Variants in EYS observed in about 807,000 individuals in gnomAD.
EYS encodes protein eyes shut homolog.
A neutral mutation model predicts 282.1 loss-of-function variants in EYS; 250 were observed. The ratio of observed to expected loss-of-function variants is 0.89; its 90% CI spans 0.80 to 0.98. The LOEUF (loss-of-function observed/expected upper bound fraction) is 0.98. Ranked by LOEUF, EYS falls within the 50% of genes least tolerant of loss-of-function variation. EYS has a pLI of 0.00. For synonymous variants in EYS, 1,355 were observed against 1,282.9 expected, an observed-to-expected ratio of 1.06 and a Z score of -1.20; for missense variants, 4,016 against 3,709.0, an observed-to-expected ratio of 1.08 and a Z score of -2.15.
At chr6:63,873,337 C>CT (rs1772868239) in intron 35 of EYS, among the ~76,000 whole-genome samples, 1 of 152,042 alleles carries the variant, frequency 6.6e-6, no homozygotes, top group East Asian at 1.9e-4. Context: ...TGAACTCATC[C>CT]TTTTTTATGG....
chr6:65,678,043 A>G (rs1768685600), intron 1 of EYS, among the ~76,000 whole-genome samples: 1 of 152,046 alleles, frequency 6.6e-6, no homozygotes, highest in African/African-American at 2.4e-5. Flanking sequence ...CTGTACAAGC[A>G]TGTCTCCAGC....
chr6:65,572,248 T>C (rs578070987), intron 2 of EYS, among the ~76,000 whole-genome samples: 360 of 152,242 alleles, frequency 2.4e-3, no homozygotes, highest in Middle Eastern at 0.014. Context: ...CAAATTTATA[T>C]AGCAGTCTTT....
At position 63,864,351 on chromosome 6, in the gene EYS, C is replaced by T; in HGVS notation, c.7063G>A (p.Glu2355Lys). Residue 2355 changes from glutamate to lysine, a missense_variant, in exon 36 of 43, where the codon GAA (glutamate) becomes AAA (lysine). Transcript: ENST00000503581. ...RNNGTCISDN[E>K]NLFCECPRLY... is the part of the protein sequence containing the mutation. ...CTTGGACACTCACAAAACAGATTTT[C>T]ATTATCACTGAGAAGGGAAAAAATT... 2 of 1,549,478 alleles carry T rather than the reference C, an allele frequency of 1.3e-6. No homozygotes were observed. Among genetic ancestry groups the T allele is most frequent in the South Asian group, 1.2e-5 (1 of 83,554 alleles).
At chr6:65,292,799 G>T (rs1467106353) in intron 12 of EYS, among the ~76,000 whole-genome samples, 1 of 151,756 alleles carries the variant, frequency 6.6e-6, no homozygotes, top group East Asian at 1.9e-4. Flanking sequence ...CTATGGAAAA[G>T]AAATTAATCC....
chr6:64,593,002 C>A, intron 25 of EYS, 115 bp downstream of exon 25: 1 of 712,612 alleles, frequency 1.4e-6, no homozygotes, highest in Non-Finnish European at 2.1e-6. Context: ...ATTTTACACC[C>A]CTAAAAATCA....
chr6:64,931,328 T>C lies in EYS; in HGVS notation c.2381+14465A>G, dbSNP rs531307183. 2.4e-4 allele frequency among the ~76,000 whole-genome samples: 37 copies of C among 152,240 alleles called. 1 individual carries two copies. In the South Asian group the frequency reaches 3.7e-3, roughly 15 times the overall value. On this transcript the variant is annotated intron_variant, in intron 15 of 42. Coordinates refer to ENST00000503581, the MANE Select transcript of EYS (RefSeq NM_001142800.2). ...AAATTTAAGACTCTTCTTTACAATG[T>C]TTATAATATTTTATTAGAATAACTC...
At chr6:65,168,584 C>T (rs1006841416) in intron 12 of EYS, among the ~76,000 whole-genome samples, 1 of 151,084 alleles carries the variant, frequency 6.6e-6, no homozygotes, top group African/African-American at 2.4e-5. Context: ...ACTCTCATGA[C>T]CTAATATTGC....
intron 19 of EYS, among the ~76,000 whole-genome samples, chr6:64,844,296 C>T (rs536074181): frequency 6.6e-6 from 1 of 150,920 alleles, no homozygotes; most frequent in East Asian, 1.9e-4. Context: ...GCCTTTCTCA[C>T]CCAGCACTAT....
chr6:64,096,336 T>C (rs113820663), intron 31 of EYS, among the ~76,000 whole-genome samples: 3,488 of 152,340 alleles, frequency 0.023, 114 homozygotes, highest in African/African-American at 0.07. Context: ...GATAATATAC[T>C]GCAGAGTGTT....
intron 22 of EYS, among the ~76,000 whole-genome samples, chr6:64,643,013 G>A (rs995296864): frequency 6.6e-6 from 1 of 152,030 alleles, no homozygotes; most frequent in Non-Finnish European, 1.5e-5. Flanking sequence ...TACTTGAGGG[G>A]CTGAGGCAGG....
rs559307190 is a variant in EYS at position 64,371,103 on chromosome 6, T to C, written c.6078+17587A>G. ...GTTTTTCTAGTTCCTCTAATTGTGA[T>C]GTTAGGTTGTTTATTTGAGATCTTC... On this transcript the variant is annotated intron_variant, in intron 29 of 42. Transcript: ENST00000503581. Among the ~76,000 whole-genome samples the C allele has an allele frequency of 2.6e-5, 4 of 152,246 alleles. No homozygotes were observed. The South Asian group carries it at 8.3e-4, about 32-fold the overall frequency.
intron 12 of EYS, among the ~76,000 whole-genome samples, chr6:65,236,825 C>A (rs1291223359): frequency 6.6e-6 from 1 of 152,084 alleles, no homozygotes; most frequent in Non-Finnish European, 1.5e-5. Flanking sequence ...CAACTTAGGA[C>A]CACTTTTCAT....
At position 65,359,408 on chromosome 6, in the gene EYS, C is replaced by T. The variant is rs1057240723; in HGVS notation, c.1300-5791G>A. On this transcript the variant is annotated intron_variant, in intron 8 of 42. Coordinates refer to ENST00000503581, the MANE Select transcript of EYS (RefSeq NM_001142800.2). ...GGCTTTTCTATTTTATAAGGGAAAACTAATTTTGATTGCTAGTATGAAGAG... is the reference window on the plus strand; with the variant it reads ...GGCTTTTCTATTTTATAAGGGAAAATTAATTTTGATTGCTAGTATGAAGAG... 3.3e-5 allele frequency among the ~76,000 whole-genome samples: 5 copies of T among 151,816 alleles called. No individual in the cohort carries two copies. In the South Asian group the frequency reaches 6.2e-4, roughly 19 times the overall value.
chr6:63,784,803 T>G (rs981170200), intron 39 of EYS, among the ~76,000 whole-genome samples: 1 of 152,128 alleles, frequency 6.6e-6, no homozygotes, highest in African/African-American at 2.4e-5. Flanking sequence ...AAAAATTCAG[T>G]TATTATTCTA....
intron 8 of EYS, among the ~76,000 whole-genome samples, chr6:65,383,918 A>G (rs1765707553): frequency 6.6e-6 from 1 of 151,874 alleles, no homozygotes; most frequent in Non-Finnish European, 1.5e-5. Context: ...TAATTTCTCT[A>G]ATAGACATAC....
chr6:63,918,283 G>C (rs937641033), intron 35 of EYS, among the ~76,000 whole-genome samples: 3 of 152,114 alleles, frequency 2.0e-5, no homozygotes, highest in Non-Finnish European at 4.4e-5. Context: ...TTTATATTTA[G>C]TTACTACATT....
chr6:65,322,379 A>C (rs1033232422), intron 11 of EYS, among the ~76,000 whole-genome samples: 6 of 152,216 alleles, frequency 3.9e-5, no homozygotes, highest in Non-Finnish European at 8.8e-5. Flanking sequence ...TGAGCTTGTC[A>C]GCATTGCTTA....
chr6:64,092,010 T>C (rs544161742), intron 31 of EYS, among the ~76,000 whole-genome samples: 3 of 152,292 alleles, frequency 2.0e-5, no homozygotes, highest in East Asian at 3.9e-4. Context: ...GTTTGGTTTT[T>C]CTGTCCTTGC....
chr6:63,972,974 T>C (rs1268753816), intron 35 of EYS, among the ~76,000 whole-genome samples: 1 of 152,166 alleles, frequency 6.6e-6, no homozygotes, highest in Non-Finnish European at 1.5e-5. Context: ...TCTTTCCTAT[T>C]GTGAATAGTG....
Sources: allele counts gnomAD v4.1 joint callset (sites outside exome capture counted in the v4.1 genomes callset), GRCh38; gene constraint gnomAD v4.1.1; transcripts MANE v1.5; gene names NCBI Gene and HGNC (gene_info 2026-07-23, HGNC 2026-07-21).